The following WHRN variants were observed in gnomAD, a reference collection of about 807,000 sequenced individuals.
WHRN encodes CASK-interacting protein CIP98.
In WHRN, 41 loss-of-function variants were observed where a neutral mutation model predicts 68.3. The observed-to-expected ratio is 0.60, with a 90% CI of 0.47 to 0.78. The LOEUF (loss-of-function observed/expected upper bound fraction) is 0.78, where lower values mean the gene tolerates loss of function less well. WHRN is among the 30% of genes least tolerant of loss of function. The pLI is 0.00. For missense variants in WHRN, 1,243 were observed against 1,244.7 expected (o/e 1.00, Z 0.02); for synonymous variants, 560 against 561.3 (o/e 1.00, Z 0.03).
Position 114,424,490 on chromosome 9 carries a change from G to T in WHRN, c.1260C>A (p.Asn420Lys). ...GCTCCTCCAGCAGCACTCGTGTCTG[G>T]TTCCCCAGGCTGCTCAGGGTCACCT... ...GSQVTLSSLG[N>K]QTRVLLEEQA... The change falls in exon 6 of 12, where the codon AAC becomes AAA. Residue 420 changes from asparagine to lysine, a missense_variant. By Grantham distance (94) the Asn-to-Lys change is moderately conservative (BLOSUM62 0). Coordinates refer to ENST00000362057, the MANE Select transcript of WHRN (RefSeq NM_015404.4). The T allele has an allele frequency of 6.2e-7, 1 of 1,614,020 alleles. No homozygotes were observed. The highest frequency in any genetic ancestry group is 8.5e-7 in the Non-Finnish European group (1 of 1,179,950).
intron 7 of WHRN, 38 bp from the exon 8 acceptor site, chr9:114,408,056 G>A (rs1461456624): frequency 2.0e-5 from 31 of 1,528,888 alleles, no homozygotes; most frequent in Non-Finnish European, 2.7e-5. Flanking sequence ...GCAAACAGAA[G>A]CTGAGAAGGG....
At chr9:114,471,099 A>G (rs1025869264) in intron 2 of WHRN, among the ~76,000 whole-genome samples, 3 of 152,242 alleles carry the variant, frequency 2.0e-5, no homozygotes, top group Non-Finnish European at 4.4e-5. Flanking sequence ...TCACTTGCTG[A>G]AAATTCAACC....
chr9:114,470,982 CCCACCTCCCCG>C (rs1156518503), intron 2 of WHRN, among the ~76,000 whole-genome samples: 2 of 152,080 alleles, frequency 1.3e-5, no homozygotes, highest in Non-Finnish European at 2.9e-5. Flanking sequence ...AACAAACCTC[CCCACCTCCCCG>C]CCACCTCCCC....
In WHRN at chr9:114,406,616, G is replaced by C. The variant is rs1302680662; in HGVS notation, c.1975C>G (p.Pro659Ala). Residue 659 changes from proline (P) to alanine (A), a missense_variant, in exon 9 of 12, where the codon CCC becomes GCC. Pro to Ala is a conservative substitution (Grantham distance 27, BLOSUM62 -1). Transcript: ENST00000362057. ...GCGTCCAGCGGCCTCTTGGAGCTGG[G>C]GTTGGCAGGGGAGACGGAGGCATAG... is the stretch of plus-strand genomic sequence containing the variant. ...PIYASVSPAN[P>A]SSKRPLDAHL... is the part of the protein sequence containing the mutation. The C allele has an allele frequency of 1.9e-6, 3 of 1,611,398 alleles. No homozygotes were observed. The South Asian group carries it at 3.3e-5, about 18-fold the overall frequency.
intron 7 of WHRN, among the ~76,000 whole-genome samples, chr9:114,412,223 A>T (rs1199614382): frequency 6.6e-6 from 1 of 152,190 alleles, no homozygotes; most frequent in Non-Finnish European, 1.5e-5. Context: ...ATGCATCTGA[A>T]ATAGCTGCAG....
intron 2 of WHRN, among the ~76,000 whole-genome samples, chr9:114,469,028 TTTC>T (rs1462150367): frequency 6.6e-6 from 1 of 152,192 alleles, no homozygotes; most frequent in Non-Finnish European, 1.5e-5. Flanking sequence ...TGTGCCTCAG[TTTC>T]TTCATCTAGA....
At chr9:114,419,743 A>C (rs191352888) in intron 7 of WHRN, among the ~76,000 whole-genome samples, 7 of 152,332 alleles carry the variant, frequency 4.6e-5, no homozygotes, top group African/African-American at 1.4e-4. Flanking sequence ...ACATCACGGG[A>C]CAGAAATTAC....
chr9:114,416,108 G>A (rs918597856), intron 7 of WHRN, among the ~76,000 whole-genome samples: 4 of 152,134 alleles, frequency 2.6e-5, no homozygotes. Flanking sequence ...GAGGGAAGAA[G>A]GACAGTAAGG....
intron 3 of WHRN, among the ~76,000 whole-genome samples, chr9:114,442,437 G>C (rs1199612568): frequency 6.6e-6 from 1 of 152,196 alleles, no homozygotes; most frequent in Non-Finnish European, 1.5e-5. Context: ...CAATGCTTTA[G>C]ACGGGAGAAG....
intron 4 of WHRN, chr9:114,425,335 T>C (rs1836727793): frequency 4.9e-6 from 3 of 606,278 alleles, no homozygotes; most frequent in Admixed American, 5.7e-5. Flanking sequence ...GAAATGGTGA[T>C]TGACAGGCAA....
intron 1 of WHRN, among the ~76,000 whole-genome samples, chr9:114,492,651 G>T (rs1377508912): frequency 2.0e-5 from 3 of 152,098 alleles, no homozygotes; most frequent in Non-Finnish European, 4.4e-5. Flanking sequence ...ACTGACTTGG[G>T]GAGGGTCTTT....
At chr9:114,423,551 A>G (rs1351982662) in intron 6 of WHRN, 28 bp from the exon 7 acceptor site, 1 of 1,589,040 alleles carries the variant, frequency 6.3e-7, no homozygotes, top group East Asian at 2.2e-5. Flanking sequence ...AGGGGCACTC[A>G]GCAGGGAGCG....
rs2274162 is a variant in WHRN at position 114,425,289 on chromosome 9, G to T, written c.1167-265C>A. The T allele has an allele frequency of 0.24, 149,358 of 630,412 alleles. 19,412 individuals are homozygous for T. The highest frequency in any genetic ancestry group is 0.36 in the Admixed American group (14,726 of 40,836). 39.1% of individuals were successfully genotyped at this position (630,412 alleles called of 1,614,324 possible). Reference sequence around the variant, plus strand: ...GGGCTCCTGAGTTGTTGCCAACCCCGCAGGACCAGGCAGGTAACACAAGGA... The same window carrying T: ...GGGCTCCTGAGTTGTTGCCAACCCCTCAGGACCAGGCAGGTAACACAAGGA... On this transcript the variant is annotated intron_variant, in intron 4 of 11. Coordinates refer to ENST00000362057, the MANE Select transcript of WHRN (RefSeq NM_015404.4).
intron 1 of WHRN, among the ~76,000 whole-genome samples, chr9:114,482,721 G>C (rs962450041): frequency 6.6e-6 from 1 of 152,010 alleles, no homozygotes; most frequent in African/African-American, 2.4e-5. Flanking sequence ...AGAACAATGC[G>C]CAGAGCATCA....
chr9:114,439,772 A>T (rs1169996508), intron 3 of WHRN, among the ~76,000 whole-genome samples: 1 of 152,112 alleles, frequency 6.6e-6, no homozygotes, highest in African/African-American at 2.4e-5. Context: ...TTTTTTGGAG[A>T]TTTGTGACAA....
At chr9:114,458,812 G>T (rs1374345884) in intron 3 of WHRN, among the ~76,000 whole-genome samples, 1 of 152,232 alleles carries the variant, frequency 6.6e-6, no homozygotes, top group African/African-American at 2.4e-5. Flanking sequence ...GGTGCCCCAG[G>T]TGTTGTGCTG....
chr9:114,443,669 C>T (rs889125164), intron 3 of WHRN, among the ~76,000 whole-genome samples: 4 of 152,140 alleles, frequency 2.6e-5, no homozygotes, highest in Non-Finnish European at 5.9e-5. Flanking sequence ...TCTGAGGATT[C>T]GGATGTAGAC....
rs745376483 is a variant in WHRN, at chr9:114,504,269, T to G, written c.533A>C (p.Glu178Ala). ...VSLVEPGSLA[E>A]KEGLRVGDQI... is the part of the protein sequence containing the mutation. Reference sequence around the variant, plus strand: ...GTCCCCGACCCGCAGTCCTTCCTTCTCAGCTAGAGAGCCTGGTTCCACCAG... The same window carrying G: ...GTCCCCGACCCGCAGTCCTTCCTTCGCAGCTAGAGAGCCTGGTTCCACCAG... Residue 178 changes from glutamate (E) to alanine (A), a missense_variant, in exon 1 of 12, where the codon GAG becomes GCG. Physicochemically the swap from Glu to Ala is moderately radical, Grantham distance 107 (BLOSUM62 -1). Transcript: ENST00000362057. The G allele has an allele frequency of 4.3e-6, 7 of 1,613,974 alleles. No individual in the cohort carries two copies. The African/African-American group carries it at 9.3e-5, about 22-fold the overall frequency.
At chr9:114,491,567 C>A in intron 1 of WHRN, 1 of 186,730 alleles carries the variant, frequency 5.4e-6, no homozygotes, top group South Asian at 1.3e-4. Context: ...TCACCATGAC[C>A]TGTGGTAACC....
Sources: allele counts gnomAD v4.1 joint callset (sites outside exome capture counted in the v4.1 genomes callset), GRCh38; gene constraint gnomAD v4.1.1; transcripts MANE v1.5; gene names NCBI Gene and HGNC (gene_info 2026-07-23, HGNC 2026-07-21).